Variants in IQSEC1 observed in about 807,000 individuals in gnomAD.
IQSEC1 encodes IQ motif and SEC7 domain-containing protein 1.
IQSEC1 carries 31 observed loss-of-function variants against 91.0 expected under a neutral mutation model. The ratio of observed to expected loss-of-function variants is 0.34; its 90% CI spans 0.26 to 0.46. The LOEUF (loss-of-function observed/expected upper bound fraction) is 0.46, where lower values mean the gene tolerates loss of function less well. IQSEC1 is among the 20% of genes least tolerant of loss of function. The pLI, the probability that IQSEC1 is intolerant of heterozygous loss-of-function variation, is 1.00. For missense variants in IQSEC1, 1,388 were observed against 1,575.6 expected, an observed-to-expected ratio of 0.88 and a Z score of 2.02; for synonymous variants, 699 against 662.6, an observed-to-expected ratio of 1.05 and a Z score of -0.84.
chr3:12,967,450 A>G lies in IQSEC1; in HGVS notation c.24-25585T>C, dbSNP rs1411410717. 26 of 1,518,498 alleles carry G rather than the reference A, an allele frequency of 1.7e-5. No individual in the cohort carries two copies. In the South Asian group the frequency reaches 2.8e-4, roughly 16 times the overall value. 94.1% of individuals were successfully genotyped at this position (1,518,498 alleles called of 1,614,324 possible). On this transcript the variant is annotated intron_variant, in intron 1 of 13. Transcript: ENST00000613206. This position sits in a 1 kb window ranked among gnomAD's most constrained non-coding sequence, Gnocchi z 5.9. ...CTCCGAGTTGCAGTGCAGGCACCAC[A>G]TGGCGGCCGCAGTGGGAGCGGGCCG...
intron 5 of IQSEC1, among the ~76,000 whole-genome samples, chr3:12,920,840 C>T (rs1312680612): frequency 2.0e-5 from 3 of 152,312 alleles, no homozygotes; most frequent in East Asian, 1.9e-4. Flanking sequence ...TTCCCAGCTC[C>T]CGGGAGCTCA....
chr3:13,262,189 G>A (rs560015536), intron 1 of IQSEC1, among the ~76,000 whole-genome samples: 10 of 152,356 alleles, frequency 6.6e-5, no homozygotes, highest in African/African-American at 2.2e-4. Context: ...GACAATATGA[G>A]CCACGATAAC....
At chr3:13,000,702 G>C (rs1702384638) in intron 1 of IQSEC1, among the ~76,000 whole-genome samples, 1 of 152,232 alleles carries the variant, frequency 6.6e-6, no homozygotes, top group African/African-American at 2.4e-5. Flanking sequence ...GGGCTGCCCT[G>C]CTGGGGAGAG....
chr3:12,904,297 A>G (rs912422087), intron 12 of IQSEC1, among the ~76,000 whole-genome samples: 1 of 152,236 alleles, frequency 6.6e-6, no homozygotes, highest in African/African-American at 2.4e-5. Flanking sequence ...AGTTGGGGTC[A>G]GCAAAGGGCT....
chr3:13,119,683 C>T (rs999312778), intron 2 of IQSEC1, among the ~76,000 whole-genome samples: 3 of 152,240 alleles, frequency 2.0e-5, no homozygotes, highest in Admixed American at 6.5e-5. Context: ...CCCCCAGTGT[C>T]GTCTAAGGCA....
In IQSEC1 at chr3:12,908,143, T is replaced by G. The variant is rs76051031; in HGVS notation, c.2755+206A>C. On this transcript the variant is annotated intron_variant, in intron 12 of 13. Coordinates refer to ENST00000613206, the MANE Select transcript of IQSEC1 (RefSeq NM_001134382.3). The surrounding 1 kb of genome is among the most constrained non-coding windows in gnomAD (Gnocchi z 4.9). ...AATTCGTGTGCAATGCCTTTCTTTT[T>G]GACGTTTGGGTCCTGTTTCCCTGTG... is the stretch of plus-strand genomic sequence containing the variant. Among the ~76,000 whole-genome samples, 423 of 152,382 alleles carry G rather than the reference T, an allele frequency of 2.8e-3. 2 individuals are homozygous for G. Among genetic ancestry groups the G allele is most frequent in the African/African-American group, 9.3e-3 (385 of 41,596 alleles).
At chr3:13,060,723 C>T (rs577347791) in intron 1 of IQSEC1, among the ~76,000 whole-genome samples, 15 of 152,172 alleles carry the variant, frequency 9.9e-5, no homozygotes, top group African/African-American at 3.4e-4. Flanking sequence ...CTGCCCCCGG[C>T]GGGGCTCCAG....
chr3:12,915,443 G>A (rs1559616659), intron 7 of IQSEC1, 151 bp downstream of exon 7: 1 of 753,970 alleles, frequency 1.3e-6, no homozygotes, highest in South Asian at 1.8e-5. Context: ...TATGACAGGA[G>A]ACACTCGAAA....
intron 2 of IQSEC1, among the ~76,000 whole-genome samples, chr3:12,937,708 C>T (rs538215989): frequency 1.2e-4 from 19 of 152,308 alleles, no homozygotes; most frequent in East Asian, 1.9e-4. Context: ...ATGCCAAGCA[C>T]GGGGGCAGCT....
At chr3:12,929,836 G>A (rs534590730) in intron 3 of IQSEC1, among the ~76,000 whole-genome samples, 16 of 152,320 alleles carry the variant, frequency 1.1e-4, no homozygotes, top group Middle Eastern at 3.4e-3. Flanking sequence ...AGGCAGTGTA[G>A]TCGGAGCCTC....
At position 13,079,050 on chromosome 3, in the gene IQSEC1, G is replaced by A. The variant is rs955058910; in HGVS notation, c.303-31528C>T. On this transcript the variant is annotated intron_variant, in intron 2 of 15. Transcript: ENST00000648114. Reference sequence around the variant, plus strand: ...TTAGAGAGAAGCACTGCTCTCCTGAGGCCCTCACAAGGCCCTGGGTGTCCC... The same window carrying A: ...TTAGAGAGAAGCACTGCTCTCCTGAAGCCCTCACAAGGCCCTGGGTGTCCC... Among the ~76,000 whole-genome samples, 48 of 152,226 alleles carry A rather than the reference G, an allele frequency of 3.2e-4. 1 individual carries two copies. Among genetic ancestry groups the A allele is most frequent in the Non-Finnish European group, 1.5e-5 (1 of 68,036 alleles).
chr3:12,935,529 C>G lies in IQSEC1; in HGVS notation c.1487G>C (p.Arg496Pro). 6.2e-7 allele frequency: 1 copy of G among 1,614,070 alleles called. No homozygotes were observed. The highest frequency in any genetic ancestry group is 8.5e-7 in the Non-Finnish European group (1 of 1,179,964). The stretch of plus-strand genomic sequence containing the variant: ...AAAGGCAGGCGAGTCCCAGCTGTTG[C>G]GGGCCTCCTTGTGGTAGGTCTGCTT... ...LSKQTYHKEA[R>P]NSWDSPAFSN... The change falls in exon 3 of 14, where the codon CGC becomes CCC. Residue 496 changes from arginine to proline, a missense_variant. Arg to Pro is a moderately radical substitution (Grantham distance 103). This residue lies in a region of IQSEC1 where 1,059 missense variants were observed against 1,317.8 expected (regional missense o/e 0.80). Coordinates refer to ENST00000613206, the MANE Select transcript of IQSEC1 (RefSeq NM_001134382.3). This position sits in a 1 kb window ranked among gnomAD's most constrained non-coding sequence, Gnocchi z 8.0.
intron 1 of IQSEC1, among the ~76,000 whole-genome samples, chr3:13,209,334 T>C (rs1202730206): frequency 1.3e-5 from 2 of 152,354 alleles, no homozygotes; most frequent in African/African-American, 4.8e-5. Flanking sequence ...TCCAATACGG[T>C]AAATTAGCAT....
intron 1 of IQSEC1, among the ~76,000 whole-genome samples, chr3:13,274,593 CCT>C (rs1218499651): frequency 6.6e-6 from 1 of 152,248 alleles, no homozygotes; most frequent in East Asian, 1.9e-4. Context: ...CCAACCCTCC[CCT>C]GCGACCACAT....
intron 2 of IQSEC1, among the ~76,000 whole-genome samples, chr3:13,097,977 G>A (rs1192794616): frequency 6.6e-6 from 1 of 152,214 alleles, no homozygotes; most frequent in African/African-American, 2.4e-5. Flanking sequence ...AGCCCACTGT[G>A]CCCTGGGCAT....
At chr3:12,971,287 G>A (rs146776444) in intron 1 of IQSEC1, among the ~76,000 whole-genome samples, 4 of 152,340 alleles carry the variant, frequency 2.6e-5, no homozygotes, top group Non-Finnish European at 5.9e-5. Context: ...TGACTGAAAT[G>A]ATAGGGCTGG....
At position 13,015,685 on chromosome 3, in the gene IQSEC1, G is replaced by A. The variant is rs537798033; in HGVS notation, c.23+57307C>T. 93 of 985,338 alleles carry A rather than the reference G, an allele frequency of 9.4e-5. No individual in the cohort carries two copies. In the African/African-American group the frequency reaches 1.1e-3, roughly 11 times the overall value. The allele number at this position is 985,338 out of a possible 1,614,324, so 61.0% of individuals were successfully genotyped here. ...GTCCATCCCCACAGCAGGTCCTGAC[G>A]TCTGACTTCCTCCCTGCTCAGTCGG... On this transcript the variant is annotated intron_variant, in intron 1 of 13. Transcript: ENST00000613206.
chr3:12,915,781 C>T (rs771647418), intron 6 of IQSEC1, 48 bp from the exon 7 acceptor site: 8 of 1,597,274 alleles, frequency 5.0e-6, no homozygotes, highest in Middle Eastern at 1.7e-4. Context: ...CAGGCTCACT[C>T]GATTTACCAG....
rs535393681 is a variant in IQSEC1 at position 13,207,709 on chromosome 3, C to T, written c.273-43576G>A. On this transcript the variant is annotated intron_variant, in intron 1 of 15. Coordinates refer to the IQSEC1 transcript ENST00000648114. The surrounding 1 kb of genome is among the most constrained non-coding windows in gnomAD (Gnocchi z 4.8). Reference sequence around the variant, plus strand: ...CCTCAGATTCCTGCAGGGGCTTATCCCTGCCATCAGCCGGCCACGCCATCG... The same window carrying T: ...CCTCAGATTCCTGCAGGGGCTTATCTCTGCCATCAGCCGGCCACGCCATCG... Among the ~76,000 whole-genome samples, 13 of 152,314 alleles carry T rather than the reference C, an allele frequency of 8.5e-5. No homozygotes were observed. In the South Asian group the frequency reaches 2.1e-3, roughly 24 times the overall value.
Sources: allele counts gnomAD v4.1 joint callset (sites outside exome capture counted in the v4.1 genomes callset), GRCh38; gene constraint gnomAD v4.1.1; regional missense constraint gnomAD v4.1.1; non-coding constraint Gnocchi (gnomAD v3.1); transcripts MANE v1.5; gene names NCBI Gene and HGNC (gene_info 2026-07-23, HGNC 2026-07-21).